TBC1D1: variants seen among roughly 807,000 people sequenced by gnomAD.
The protein encoded by TBC1D1 is TBC1 (tre-2/USP6, BUB2, cdc16) domain family, member 1.
TBC1D1 carries 89 observed loss-of-function variants against 125.6 expected under a neutral mutation model. The ratio of observed to expected loss-of-function variants is 0.71; its 90% CI spans 0.60 to 0.85. The LOEUF (loss-of-function observed/expected upper bound fraction) is 0.85, where lower values mean the gene tolerates loss of function less well. Ranked by LOEUF, TBC1D1 falls within the 40% of genes least tolerant of loss-of-function variation. TBC1D1 has a pLI of 0.00. For synonymous variants in TBC1D1, 565 were observed against 564.1 expected, an observed-to-expected ratio of 1.00 and a Z score of -0.02; for missense variants, 1,377 against 1,469.2, an observed-to-expected ratio of 0.94 and a Z score of 1.03.
At chr4:37,916,782 A>T (rs76027106) in intron 2 of TBC1D1, among the ~76,000 whole-genome samples, 16,256 of 151,752 alleles carry the variant, frequency 0.11, 973 homozygotes, top group East Asian at 0.24. Flanking sequence ...TGTTTTGTTT[A>T]GTTTTCTTGA....
chr4:37,993,554 C>T (rs538612830), intron 2 of TBC1D1, among the ~76,000 whole-genome samples: 1 of 152,006 alleles, frequency 6.6e-6, no homozygotes, highest in Non-Finnish European at 1.5e-5. Context: ...GTAGCACTCC[C>T]TTGGCATGGG....
intron 10 of TBC1D1, among the ~76,000 whole-genome samples, chr4:38,049,073 T>G (rs1192065692): frequency 1.3e-5 from 2 of 152,228 alleles, no homozygotes; most frequent in African/African-American, 4.8e-5. Context: ...AAGAAATTAT[T>G]TGCCCTGAAT....
Position 37,905,453 on chromosome 4 carries a change from G to A in TBC1D1, c.417+2941G>A, listed in dbSNP as rs80253811. On this transcript the variant is annotated intron_variant, in intron 2 of 19. Coordinates refer to ENST00000261439, the MANE Select transcript of TBC1D1 (RefSeq NM_015173.4). ...TTTTAAAATTGAGAAGCAAAAGGAC[G>A]TCAGAAGGAGCCAAATTAGGCCTGT... is the stretch of plus-strand genomic sequence containing the variant. 3.1e-4 allele frequency among the ~76,000 whole-genome samples: 47 copies of A among 152,266 alleles called. No homozygotes were observed. In the East Asian group the frequency reaches 6.6e-3, roughly 21 times the overall value.
At chr4:37,910,165 C>G (rs1718285903) in intron 2 of TBC1D1, among the ~76,000 whole-genome samples, 1 of 152,078 alleles carries the variant, frequency 6.6e-6, no homozygotes, top group African/African-American at 2.4e-5. Context: ...TTACCAAAGG[C>G]TTTGAGTTTG....
In TBC1D1 at chr4:38,129,492, C is replaced by T. The variant is rs150752631; in HGVS notation, c.3133-3592C>T. ...AGTGGGTTTGATGTTTTTTGTAATT[C>T]ACTACAGATAGTGTGTGCCCCCTTG... is the stretch of plus-strand genomic sequence containing the variant. On this transcript the variant is annotated intron_variant, in intron 18 of 19. Transcript: ENST00000261439. Among the ~76,000 whole-genome samples the T allele has an allele frequency of 3.9e-3, 597 of 152,250 alleles. 1 individual carries two copies. Among genetic ancestry groups the T allele is most frequent in the Admixed American group, 6.2e-3 (95 of 15,296 alleles).
intron 6 of TBC1D1, among the ~76,000 whole-genome samples, chr4:38,024,132 T>C (rs1252095461): frequency 6.6e-6 from 1 of 152,240 alleles, no homozygotes; most frequent in East Asian, 1.9e-4. Flanking sequence ...CTCTTTAAAA[T>C]GAAGAAACAT....
At chr4:38,124,611 T>C (rs1404221067) in intron 17 of TBC1D1, among the ~76,000 whole-genome samples, 3 of 152,218 alleles carry the variant, frequency 2.0e-5, no homozygotes, top group African/African-American at 7.2e-5. Context: ...TCTATAAAAA[T>C]CTTTTAGTGT....
In TBC1D1 at chr4:38,038,948, G is replaced by GAAAAA. The variant is rs565226039; in HGVS notation, c.1413+3259_1413+3263dup. Among the ~76,000 whole-genome samples the GAAAAA allele has an allele frequency of 7.8e-3, 1,071 of 137,826 alleles. 22 individuals are homozygous for GAAAAA. The highest frequency in any genetic ancestry group is 0.028 in the African/African-American group (1,016 of 36,794). 90.4% of individuals were successfully genotyped at this position (137,826 alleles called of 152,430 possible). On this transcript the variant is annotated intron_variant, in intron 8 of 19. Coordinates refer to ENST00000261439, the MANE Select transcript of TBC1D1 (RefSeq NM_015173.4). ...GCGACAGAGAGAGACTCCCTCTCGG[G>GAAAAA]AAAAAAAAAAAAATTTCATCCTACC... is the stretch of plus-strand genomic sequence containing the variant.
Position 38,014,433 on chromosome 4 carries a change from A to G in TBC1D1, c.418-76A>G, listed in dbSNP as rs1742183679. On this transcript the variant is annotated intron_variant, in intron 2 of 19. Transcript: ENST00000261439. The surrounding 1 kb of genome is among the most constrained non-coding windows in gnomAD (Gnocchi z 5.1). ...TGGAGTAGCCAGCGGGGCGTCCCGA[A>G]AGAGCATGGTGCATTCATTCCGTGA... The G allele has an allele frequency of 2.7e-6, 4 of 1,464,442 alleles. No homozygotes were observed. Among genetic ancestry groups the G allele is most frequent in the Non-Finnish European group, 3.8e-6 (4 of 1,062,602 alleles). The allele number at this position is 1,464,442 out of a possible 1,614,324, so 90.7% of individuals were successfully genotyped here.
intron 8 of TBC1D1, among the ~76,000 whole-genome samples, chr4:38,040,952 A>C (rs1221991777): frequency 6.6e-6 from 1 of 152,238 alleles, no homozygotes; most frequent in Non-Finnish European, 1.5e-5. Flanking sequence ...TGAACAAGCC[A>C]ATATTACATG....
At chr4:38,053,562 T>C (rs187064849) in intron 11 of TBC1D1, among the ~76,000 whole-genome samples, 18 of 152,302 alleles carry the variant, frequency 1.2e-4, no homozygotes, top group African/African-American at 3.8e-4. Flanking sequence ...GTTGAGGGGA[T>C]TGCTTACTTA....
At chr4:38,067,955 C>G (rs950623854) in intron 12 of TBC1D1, among the ~76,000 whole-genome samples, 2 of 152,170 alleles carry the variant, frequency 1.3e-5, no homozygotes, top group African/African-American at 2.4e-5. Context: ...TTGTGTCTGC[C>G]TGCCAATACG....
At chr4:38,097,507 A>AT (rs908909428) in intron 14 of TBC1D1, among the ~76,000 whole-genome samples, 10 of 151,490 alleles carry the variant, frequency 6.6e-5, no homozygotes, top group Middle Eastern at 3.2e-3. Flanking sequence ...GCCCGGGTAA[A>AT]TTTTTTTTGT....
At chr4:38,002,384 T>A (rs1452944136) in intron 2 of TBC1D1, among the ~76,000 whole-genome samples, 1 of 152,162 alleles carries the variant, frequency 6.6e-6, no homozygotes, top group Non-Finnish European at 1.5e-5. Context: ...TTACTCCCCG[T>A]GTTTCTGGTT....
At chr4:37,920,434 G>T (rs181767280) in intron 2 of TBC1D1, among the ~76,000 whole-genome samples, 7 of 152,314 alleles carry the variant, frequency 4.6e-5, no homozygotes, top group African/African-American at 1.2e-4. Context: ...GCCAGTGTGA[G>T]CTGGGGAGTG....
At chr4:38,042,865 G>C (rs924144401) in intron 8 of TBC1D1, among the ~76,000 whole-genome samples, 1 of 152,144 alleles carries the variant, frequency 6.6e-6, no homozygotes, top group African/African-American at 2.4e-5. Flanking sequence ...CTGCAACAAA[G>C]AATATATCAG....
chr4:38,113,230 C>G (rs1351625682), intron 15 of TBC1D1, among the ~76,000 whole-genome samples: 2 of 152,176 alleles, frequency 1.3e-5, no homozygotes, highest in African/African-American at 4.8e-5. Context: ...CAAGGTCCTT[C>G]TAAGCACAGA....
chr4:37,992,472 G>T (rs1289621692), intron 2 of TBC1D1, among the ~76,000 whole-genome samples: 1 of 151,668 alleles, frequency 6.6e-6, no homozygotes, highest in African/African-American at 2.4e-5. Flanking sequence ...ATATTTTAAG[G>T]TCAAGGACTA....
rs568057646 is a variant in TBC1D1, at chr4:37,980,255, A to G, written c.418-34254A>G. On this transcript the variant is annotated intron_variant, in intron 2 of 19. Transcript: ENST00000261439. Reference sequence around the variant, plus strand: ...GATGTACTTTTAAAAAAAATTGGACATGATCTGGAACATTAGGGCAGGTGT... The same window carrying G: ...GATGTACTTTTAAAAAAAATTGGACGTGATCTGGAACATTAGGGCAGGTGT... Among the ~76,000 whole-genome samples, 22 of 152,358 alleles carry G rather than the reference A, an allele frequency of 1.4e-4. No individual in the cohort carries two copies. The South Asian group carries it at 4.1e-3, about 29-fold the overall frequency.
Sources: allele counts gnomAD v4.1 joint callset (sites outside exome capture counted in the v4.1 genomes callset), GRCh38; gene constraint gnomAD v4.1.1; non-coding constraint Gnocchi (gnomAD v3.1); transcripts MANE v1.5; gene names NCBI Gene and HGNC (gene_info 2026-07-23, HGNC 2026-07-21).